The following GPC5 variants were observed in gnomAD, a reference collection of about 807,000 sequenced individuals.
GPC5 encodes the protein glypican 5, also known as glypican-5.
Under a neutral mutation model 53.9 loss-of-function variants are expected in GPC5, and 47 were observed. That is an observed-to-expected ratio of 0.87 (90% CI 0.69 to 1.11). The LOEUF is 1.11. Among genes scored for constraint, GPC5 ranks in the 50% most tolerant of loss-of-function variants. The probability of loss-of-function intolerance (pLI) is 0.00; values close to 1 mark genes in which losing one functional copy is unlikely to be tolerated. For synonymous variants in GPC5, 286 were observed against 263.3 expected, an observed-to-expected ratio of 1.09 and a Z score of -0.84; for missense variants, 748 against 713.1, an observed-to-expected ratio of 1.05 and a Z score of -0.56.
rs77863504 is a variant in GPC5, at chr13:92,362,982, C to G, written c.1561+217993C>G. 9.2e-3 allele frequency among the ~76,000 whole-genome samples: 1,399 copies of G among 151,688 alleles called. 58 individuals are homozygous for G. Among genetic ancestry groups the G allele is most frequent in the African/African-American group, 0.032 (1,316 of 41,014 alleles). ...ACCTCGTCAGAGCCTGACAGTCTTGCAGAGTTGAGGAAGAAGAGATTAGAG... is the reference window on the plus strand; with the variant it reads ...ACCTCGTCAGAGCCTGACAGTCTTGGAGAGTTGAGGAAGAAGAGATTAGAG... On this transcript the variant is annotated intron_variant, in intron 7 of 7. Transcript: ENST00000377067.
At chr13:92,452,942 G>A (rs1460732619) in intron 7 of GPC5, among the ~76,000 whole-genome samples, 1 of 152,170 alleles carries the variant, frequency 6.6e-6, no homozygotes, top group Non-Finnish European at 1.5e-5. Flanking sequence ...TACTTGCCGA[G>A]GGACAGAAAG....
intron 4 of GPC5, 90 bp from the exon 5 acceptor site, chr13:91,756,205 C>A (rs72643295): frequency 1.1e-6 from 1 of 927,950 alleles, no homozygotes; most frequent in Non-Finnish European, 1.5e-6. Context: ...AAATTATATC[C>A]TAAACATTAT....
chr13:91,503,817 A>AATCATCATCATC (rs1230141661), intron 2 of GPC5, among the ~76,000 whole-genome samples: 23 of 147,420 alleles, frequency 1.6e-4, no homozygotes, highest in African/African-American at 5.7e-4. Context: ...TAATAATAAT[A>AATCATCATCATC]ATCAGGCTGT....
At chr13:91,617,658 C>T (rs1048025132) in intron 2 of GPC5, among the ~76,000 whole-genome samples, 5 of 151,924 alleles carry the variant, frequency 3.3e-5, no homozygotes, top group African/African-American at 9.7e-5. Flanking sequence ...TTTCTTTTCT[C>T]CCTCCTTCCT....
chr13:92,666,676 T>A (rs1386668274), intron 7 of GPC5, among the ~76,000 whole-genome samples: 3 of 152,214 alleles, frequency 2.0e-5, no homozygotes. Flanking sequence ...GCACTTTTAA[T>A]GCAATTTGAA....
Position 92,366,890 on chromosome 13 carries a change from A to C in GPC5, c.1561+221901A>C, listed in dbSNP as rs562162007. ...ATGAATACAATTTTCTTATTTGAAA[A>C]GTAAGGGGATTTTGGAATTGACCTA... On this transcript the variant is annotated intron_variant, in intron 7 of 7. Coordinates refer to ENST00000377067, the MANE Select transcript of GPC5 (RefSeq NM_004466.6). Among the ~76,000 whole-genome samples the C allele has an allele frequency of 2.6e-4, 40 of 152,352 alleles. 1 individual carries two copies. Among genetic ancestry groups the C allele is most frequent in the African/African-American group, 9.6e-4 (40 of 41,590 alleles).
At chr13:92,778,963 A>G (rs1333070752) in intron 7 of GPC5, among the ~76,000 whole-genome samples, 1 of 128,766 alleles carries the variant, frequency 7.8e-6, no homozygotes, top group Non-Finnish European at 1.6e-5. Context: ...TATGTGCAAG[A>G]TATACACACA....
At chr13:92,193,645 G>A (rs942796417) in intron 7 of GPC5, among the ~76,000 whole-genome samples, 2 of 152,156 alleles carry the variant, frequency 1.3e-5, no homozygotes, top group Admixed American at 6.5e-5. Context: ...AAATTAATCC[G>A]ACAGTTATAT....
intron 2 of GPC5, among the ~76,000 whole-genome samples, chr13:91,517,886 T>C (rs1183669229): frequency 6.6e-6 from 1 of 152,152 alleles, no homozygotes; most frequent in Non-Finnish European, 1.5e-5. Flanking sequence ...GTGAGACTTA[T>C]TTACTATCAT....
chr13:92,498,275 G>T (rs893113491), intron 7 of GPC5, among the ~76,000 whole-genome samples: 2 of 151,984 alleles, frequency 1.3e-5, no homozygotes, highest in Non-Finnish European at 2.9e-5. Flanking sequence ...CTTGGGGTGG[G>T]CTGTCTGCAT....
intron 7 of GPC5, among the ~76,000 whole-genome samples, chr13:92,507,603 A>C (rs187910770): frequency 3.9e-5 from 6 of 152,322 alleles, no homozygotes; most frequent in Non-Finnish European, 7.4e-5. Context: ...CACTCTACCT[A>C]TAACATCTCT....
At chr13:92,625,290 A>G (rs1885011660) in intron 7 of GPC5, among the ~76,000 whole-genome samples, 1 of 152,224 alleles carries the variant, frequency 6.6e-6, no homozygotes, top group Non-Finnish European at 1.5e-5. Context: ...TATGTCCAGA[A>G]AAAGTATGCA....
intron 7 of GPC5, among the ~76,000 whole-genome samples, chr13:92,282,360 A>AG (rs2042922309): frequency 6.6e-6 from 1 of 152,204 alleles, no homozygotes. Context: ...CAACCTAGCA[A>AG]GGCAGGCCAA....
intron 5 of GPC5, among the ~76,000 whole-genome samples, chr13:91,813,404 T>C (rs1854986): frequency 0.33 from 49,571 of 152,106 alleles, 9,538 homozygotes; most frequent in East Asian, 0.64. Context: ...TGTGATGCAG[T>C]ACAGAGGCAG....
chr13:92,230,987 TG>T (rs1370756236), intron 7 of GPC5, among the ~76,000 whole-genome samples: 2 of 152,134 alleles, frequency 1.3e-5, no homozygotes, highest in Admixed American at 1.3e-4. Context: ...GGCAGCAAGG[TG>T]TCATGGAAGA....
chr13:91,916,876 G>T (rs1265379696), intron 6 of GPC5, among the ~76,000 whole-genome samples: 4 of 152,060 alleles, frequency 2.6e-5, no homozygotes, highest in African/African-American at 7.2e-5. Flanking sequence ...ACTTCCACCT[G>T]GTCCCACCCT....
intron 2 of GPC5, among the ~76,000 whole-genome samples, chr13:91,640,827 C>T (rs1027470537): frequency 4.6e-5 from 7 of 151,356 alleles, no homozygotes; most frequent in Non-Finnish European, 2.9e-5. Flanking sequence ...CATGCACACA[C>T]GTATGTTCAT....
At chr13:91,882,337 C>T (rs1327767970) in intron 5 of GPC5, among the ~76,000 whole-genome samples, 1 of 151,906 alleles carries the variant, frequency 6.6e-6, no homozygotes, top group Non-Finnish European at 1.5e-5. Context: ...AAATCTTATA[C>T]ATTATAATGC....
intron 7 of GPC5, chr13:92,490,214 T>C (rs1412545331): frequency 3.2e-5 from 5 of 154,452 alleles, no homozygotes; most frequent in Non-Finnish European, 7.4e-5. Flanking sequence ...CCCACAATTA[T>C]GTTTGTACCA....
Sources: allele counts gnomAD v4.1 joint callset (sites outside exome capture counted in the v4.1 genomes callset), GRCh38; gene constraint gnomAD v4.1.1; transcripts MANE v1.5; gene names NCBI Gene and HGNC (gene_info 2026-07-23, HGNC 2026-07-21).